OCM2: variants seen among roughly 807,000 people sequenced by gnomAD.
OCM2 encodes the protein oncomodulin 2.
Under a neutral mutation model 13.6 loss-of-function variants are expected in OCM2, and 6 were observed. That is an observed-to-expected ratio of 0.44 (90% CI 0.24 to 0.87). The LOEUF is 0.87. Among genes scored for constraint, OCM2 ranks in the 40% least tolerant of loss-of-function variants. The probability of loss-of-function intolerance (pLI) is 0.22; values close to 1 mark genes in which losing one functional copy is unlikely to be tolerated. For missense variants in OCM2, 118 were observed against 136.8 expected, an observed-to-expected ratio of 0.86 and a Z score of 0.68; for synonymous variants, 40 against 50.7, an observed-to-expected ratio of 0.79 and a Z score of 0.90.
chr7:97,984,978 G>C (rs1562865044), exon 4 of OCM2: 4 of 1,614,080 alleles, frequency 2.5e-6, no homozygotes, highest in Non-Finnish European at 3.4e-6. Flanking sequence ...ACCATTTCCT[G>C]GAATTCTAGA....
intron 1 of OCM2, 24 bp downstream of exon 1, chr7:97,990,016 TCCCA>T: frequency 1.2e-4 from 133 of 1,083,658 alleles, no homozygotes; most frequent in Non-Finnish European, 1.6e-4. Context: ...TGTGAGGAAA[TCCCA>T]CCCCCGCCCC....
At chr7:97,985,146 C>A (rs1221323917) in intron 3 of OCM2, among the ~76,000 whole-genome samples, 163 bp from the exon 4 acceptor site, 1 of 152,092 alleles carries the variant, frequency 6.6e-6, no homozygotes, top group Non-Finnish European at 1.5e-5. Flanking sequence ...ACTGGCCGGG[C>A]ACAGTGGCTC....
intron 2 of OCM2, among the ~76,000 whole-genome samples, chr7:97,987,489 G>A (rs536963420): frequency 2.6e-5 from 4 of 151,600 alleles, no homozygotes; most frequent in South Asian, 4.2e-4. Context: ...GGGACTAAAG[G>A]TGCACCCCCC....
chr7:97,984,687 T>G (rs573411180), exon 4 of OCM2: 8 of 482,222 alleles, frequency 1.7e-5, no homozygotes, highest in African/African-American at 9.6e-5. Context: ...CAGCAGATGT[T>G]GAGAAGCCTG....
intron 3 of OCM2, among the ~76,000 whole-genome samples, chr7:97,986,209 AGCCC>A (rs2116134908): frequency 6.6e-6 from 1 of 152,268 alleles, no homozygotes; most frequent in Admixed American, 6.5e-5. Flanking sequence ...CACCACGCCC[AGCCC>A]GTGGTTATGT....
At position 97,990,026 on chromosome 7, in the gene OCM2, GC is replaced by G; in HGVS notation, c.61+17del. 1.7e-6 allele frequency: 1 copy of G among 581,032 alleles called. No homozygotes were observed. The highest frequency in any genetic ancestry group is 2.0e-5 in the South Asian group (1 of 50,894). 36.0% of individuals were successfully genotyped at this position (581,032 alleles called of 1,614,324 possible). ...AAAGCTGTGAGGAAATCCCACCCCCGCCCCACGTCCCCTCTACCTTGGCATT... is the reference window on the plus strand; with the variant it reads ...AAAGCTGTGAGGAAATCCCACCCCCGCCCACGTCCCCTCTACCTTGGCATT... On this transcript the variant is annotated intron_variant, in intron 1 of 3. Coordinates refer to ENST00000257627, the Ensembl canonical transcript of OCM2.
At chr7:97,988,743 G>A (rs796641958) in intron 1 of OCM2, among the ~76,000 whole-genome samples, 195 bp from the exon 2 acceptor site, 4 of 148,906 alleles carry the variant, frequency 2.7e-5, no homozygotes, top group African/African-American at 1.0e-4. Context: ...CCTCCGCCCC[G>A]GTCTTCCCTC....
intron 1 of OCM2, among the ~76,000 whole-genome samples, chr7:97,989,338 T>C (rs183543549): frequency 6.6e-6 from 1 of 151,682 alleles, no homozygotes; most frequent in African/African-American, 2.4e-5. Context: ...TAATAAATAG[T>C]AGTTTTCTTC....
chr7:97,984,917 G>T, exon 4 of OCM2: 1 of 1,583,456 alleles, frequency 6.3e-7, no homozygotes, highest in Non-Finnish European at 8.7e-7. Context: ...ATCCTTCCAG[G>T]TGATTATCCC....
At chr7:97,989,175 C>T (rs1794704064) in intron 1 of OCM2, among the ~76,000 whole-genome samples, 1 of 151,826 alleles carries the variant, frequency 6.6e-6, no homozygotes, top group Admixed American at 6.6e-5. Context: ...AAGTGATGCA[C>T]CGGCCTTGGC....
At chr7:97,990,000 C>T (rs1316325210) in intron 1 of OCM2, 44 bp downstream of exon 1, 1 of 1,597,712 alleles carries the variant, frequency 6.3e-7, no homozygotes, top group Non-Finnish European at 8.6e-7. Flanking sequence ...GCTGGAGGGG[C>T]AAAGCTGTGA....
At chr7:97,988,547 G>A (rs1354864552) in exon 2 of OCM2, 2 of 1,614,188 alleles carry the variant, frequency 1.2e-6, no homozygotes, top group Non-Finnish European at 1.7e-6. Flanking sequence ...AAGTGTCTGG[G>A]TCTGAAGAAC....
chr7:97,990,017 C>CGGG, intron 1 of OCM2, 27 bp downstream of exon 1: 2 of 629,612 alleles, frequency 3.2e-6, no homozygotes, highest in South Asian at 1.4e-5. Flanking sequence ...GTGAGGAAAT[C>CGGG]CCACCCCCGC....
chr7:97,985,414 A>T (rs1228327736), intron 3 of OCM2, among the ~76,000 whole-genome samples: 1 of 130,414 alleles, frequency 7.7e-6, no homozygotes, highest in African/African-American at 2.9e-5. Context: ...GCCAGACTCC[A>T]TCTCAAAAAA....
At chr7:97,986,552 T>G (rs138846744) in intron 3 of OCM2, among the ~76,000 whole-genome samples, 5,646 of 152,266 alleles carry the variant, frequency 0.037, 176 homozygotes, top group East Asian at 0.17. Flanking sequence ...GCTTATTTGT[T>G]CTCTGTTTAA....
At chr7:97,990,068 C>G in exon 1 of OCM2, 4 of 1,612,188 alleles carry the variant, frequency 2.5e-6, no homozygotes, top group Non-Finnish European at 3.4e-6. Context: ...AGCGCTGCTG[C>G]AATGTCATCA....
intron 2 of OCM2, among the ~76,000 whole-genome samples, chr7:97,987,498 C>T (rs4729399): frequency 2.6e-5 from 4 of 151,192 alleles, no homozygotes; most frequent in African/African-American, 9.7e-5. Flanking sequence ...GGTGCACCCC[C>T]CCATGCCCCA....
At chr7:97,985,707 G>T (rs1400208411) in intron 3 of OCM2, among the ~76,000 whole-genome samples, 5 of 152,072 alleles carry the variant, frequency 3.3e-5, no homozygotes, top group African/African-American at 4.8e-5. Context: ...GCTGGGTATT[G>T]CATTTTTAGG....
intron 3 of OCM2, among the ~76,000 whole-genome samples, chr7:97,985,324 C>T (rs756784304): frequency 2.9e-4 from 44 of 149,302 alleles, no homozygotes; most frequent in Admixed American, 2.8e-3. Flanking sequence ...GAGGCTGAGG[C>T]GGGAGAATCA....
Sources: allele counts gnomAD v4.1 joint callset (sites outside exome capture counted in the v4.1 genomes callset), GRCh38; gene constraint gnomAD v4.1.1; transcripts MANE v1.5; gene names NCBI Gene and HGNC (gene_info 2026-07-23, HGNC 2026-07-21).